ROBO1: variants seen among roughly 807,000 people sequenced by gnomAD.
ROBO1 encodes the protein roundabout guidance receptor 1, also known as roundabout homolog 1.
ROBO1 carries 149 observed loss-of-function variants against 195.9 expected under a neutral mutation model. That is an observed-to-expected ratio of 0.76 (90% confidence interval 0.67 to 0.87). ROBO1 has a LOEUF of 0.87. Among genes scored for constraint, ROBO1 ranks in the 40% least tolerant of loss-of-function variants. ROBO1 has a pLI of 0.00. For synonymous variants in ROBO1, 816 were observed against 733.2 expected, an observed-to-expected ratio of 1.11 and a Z score of -1.82; for missense variants, 1,933 against 2,068.3, an observed-to-expected ratio of 0.93 and a Z score of 1.27.
intron 1 of ROBO1, among the ~76,000 whole-genome samples, chr3:79,706,896 A>T (rs905835078): frequency 6.6e-6 from 1 of 152,292 alleles, no homozygotes; most frequent in Admixed American, 6.5e-5. Flanking sequence ...ACCTTGTTGA[A>T]TTCAATTTGC....
At chr3:79,628,462 G>A (rs7628698) in intron 1 of ROBO1, among the ~76,000 whole-genome samples, 132,114 of 152,092 alleles carry the variant, frequency 0.87, 57,446 homozygotes, top group East Asian at 0.9. Context: ...AGAGGAGAAC[G>A]ACACACATCA....
intron 3 of ROBO1, among the ~76,000 whole-genome samples, chr3:79,007,459 T>C (rs1404820699): frequency 1.3e-5 from 2 of 152,104 alleles, no homozygotes; most frequent in African/African-American, 2.4e-5. Flanking sequence ...CTCTGATAGA[T>C]TGAGAATAAA....
At chr3:79,495,249 T>A (rs1346821138) in intron 2 of ROBO1, among the ~76,000 whole-genome samples, 1 of 152,108 alleles carries the variant, frequency 6.6e-6, no homozygotes, top group Non-Finnish European at 1.5e-5. Flanking sequence ...TTCTTACCTA[T>A]CAGAATTCTC....
chr3:79,530,803 A>C (rs971257478), intron 2 of ROBO1, among the ~76,000 whole-genome samples: 4 of 127,128 alleles, frequency 3.1e-5, no homozygotes, highest in African/African-American at 1.3e-4. Flanking sequence ...ACACACACAC[A>C]CATCCTTCCC....
intron 3 of ROBO1, among the ~76,000 whole-genome samples, chr3:79,060,971 T>G (rs536121518): frequency 6.6e-6 from 1 of 152,270 alleles, no homozygotes; most frequent in East Asian, 1.9e-4. Context: ...ACCACTCCTA[T>G]TCAACATACT....
chr3:79,206,977 A>C (rs2081879454), intron 2 of ROBO1, among the ~76,000 whole-genome samples: 1 of 152,208 alleles, frequency 6.6e-6, no homozygotes, highest in Non-Finnish European at 1.5e-5. Context: ...ACATGAGCTC[A>C]ATTTGCAAAA....
chr3:78,931,891 G>A lies in ROBO1; in HGVS notation c.499+6710C>T, dbSNP rs113898149. On this transcript the variant is annotated intron_variant, in intron 4 of 30. Coordinates refer to ENST00000464233, the MANE Select transcript of ROBO1 (RefSeq NM_002941.4). ...CTCAGAAGTCTGAGTTAGGAGGATC[G>A]CTTGAGCCCAGGAAGTTGAGTCTAC... 7.5e-3 allele frequency among the ~76,000 whole-genome samples: 1,146 copies of A among 152,134 alleles called. 12 individuals are homozygous for A. The highest frequency in any genetic ancestry group is 0.026 in the African/African-American group (1,094 of 41,510).
intron 1 of ROBO1, among the ~76,000 whole-genome samples, chr3:79,745,175 A>G (rs1415250002): frequency 6.6e-6 from 1 of 152,148 alleles, no homozygotes; most frequent in East Asian, 1.9e-4. Context: ...TCTTATCACC[A>G]CATTGTCCTT....
At chr3:79,543,109 C>T (rs1308493718) in intron 2 of ROBO1, among the ~76,000 whole-genome samples, 2 of 152,130 alleles carry the variant, frequency 1.3e-5, no homozygotes, top group South Asian at 4.1e-4. Context: ...AGCATTTGTT[C>T]ATCACACATG....
At position 78,899,710 on chromosome 3, in the gene ROBO1, A is replaced by T. The variant is rs1576367568; in HGVS notation, c.499+38891T>A. The stretch of plus-strand genomic sequence containing the variant: ...AGGAAGAAGAAACACAAGTGATAGC[A>T]TATATTGACAGATTTTTAATCACTA... On this transcript the variant is annotated intron_variant, in intron 4 of 30. Transcript: ENST00000464233. 2.0e-5 allele frequency among the ~76,000 whole-genome samples: 3 copies of T among 152,172 alleles called. No homozygotes were observed. The East Asian group carries it at 5.8e-4, about 29-fold the overall frequency.
At chr3:78,939,838 T>C (rs979153202) in intron 3 of ROBO1, among the ~76,000 whole-genome samples, 6 of 151,800 alleles carry the variant, frequency 4.0e-5, no homozygotes, top group Non-Finnish European at 7.4e-5. Flanking sequence ...GTTTAAATAA[T>C]TAAATATACT....
At chr3:78,659,915 A>C in intron 16 of ROBO1, 108 bp from the exon 17 acceptor site, 1 of 615,854 alleles carries the variant, frequency 1.6e-6, no homozygotes, top group Non-Finnish European at 2.3e-6. Context: ...ATATCAATAT[A>C]TGCTTTTTTT....
chr3:78,996,339 A>C (rs931763006), intron 3 of ROBO1, among the ~76,000 whole-genome samples: 2 of 15,238 alleles, frequency 1.3e-4, no homozygotes, highest in Non-Finnish European at 2.3e-4. Context: ...AAAAAAAAAA[A>C]CAAAAAAAAA....
intron 3 of ROBO1, among the ~76,000 whole-genome samples, chr3:79,002,153 G>T (rs2077519422): frequency 6.6e-6 from 1 of 152,090 alleles, no homozygotes; most frequent in Non-Finnish European, 1.5e-5. Flanking sequence ...AACTGACCAT[G>T]AGCACATGTG....
intron 4 of ROBO1, among the ~76,000 whole-genome samples, chr3:78,895,439 T>C (rs1213003168): frequency 1.3e-5 from 2 of 152,216 alleles, no homozygotes; most frequent in East Asian, 3.8e-4. Flanking sequence ...TTATAGAATA[T>C]ATTTTGAAAT....
chr3:79,749,768 G>T (rs1485549076), intron 1 of ROBO1, among the ~76,000 whole-genome samples: 1 of 152,214 alleles, frequency 6.6e-6, no homozygotes, highest in Non-Finnish European at 1.5e-5. Flanking sequence ...CCTCCACCTA[G>T]ATTTCAGAGG....
chr3:78,808,002 T>C (rs1042732412), intron 4 of ROBO1, among the ~76,000 whole-genome samples: 2 of 152,156 alleles, frequency 1.3e-5, no homozygotes, highest in African/African-American at 2.4e-5. Context: ...GAAGCCCTCA[T>C]GATGTAAAAA....
intron 3 of ROBO1, among the ~76,000 whole-genome samples, chr3:78,973,602 T>C (rs1323293640): frequency 6.9e-6 from 1 of 145,938 alleles, no homozygotes; most frequent in Non-Finnish European, 1.5e-5. Context: ...TATATATAGC[T>C]TCTTAGGTTA....
At chr3:79,122,559 T>C (rs982889768) in intron 3 of ROBO1, among the ~76,000 whole-genome samples, 1 of 152,024 alleles carries the variant, frequency 6.6e-6, no homozygotes, top group Admixed American at 6.6e-5. Context: ...TGAGAGATTA[T>C]CATTTGTTCA....
Sources: gnomAD v4.1 joint callset for allele counts (sites outside exome capture counted in the v4.1 genomes callset) on GRCh38, gnomAD v4.1.1 for gene constraint, MANE v1.5 for transcripts, NCBI Gene and HGNC (gene_info 2026-07-23, HGNC 2026-07-21) for gene names.